PLEKHM3: variants seen among roughly 807,000 people sequenced by gnomAD.
PLEKHM3 encodes pleckstrin homology domain containing M3.
Under a neutral mutation model 81.8 loss-of-function variants are expected in PLEKHM3, and 45 were observed. The observed-to-expected ratio is 0.55, with a 90% CI of 0.43 to 0.71. The LOEUF is 0.71. PLEKHM3 is among the 30% of genes least tolerant of loss of function. PLEKHM3 has a pLI of 0.00. For synonymous variants in PLEKHM3, 352 were observed against 356.4 expected (o/e 0.99, Z 0.14); for missense variants, 788 against 924.3 (o/e 0.85, Z 1.91).
intron 5 of PLEKHM3, among the ~76,000 whole-genome samples, chr2:207,921,250 T>C (rs1023702474): frequency 6.6e-6 from 1 of 152,222 alleles, no homozygotes; most frequent in Non-Finnish European, 1.5e-5. Context: ...GGTTTCACCA[T>C]GTTGGCCAGG....
chr2:207,867,949 A>G (rs2092510779), intron 6 of PLEKHM3, among the ~76,000 whole-genome samples: 1 of 152,162 alleles, frequency 6.6e-6, no homozygotes, highest in African/African-American at 2.4e-5. Flanking sequence ...TGAAGAATAG[A>G]AAAGAGCTGC....
chr2:207,885,814 T>A (rs1687869147), intron 6 of PLEKHM3, among the ~76,000 whole-genome samples: 1 of 152,208 alleles, frequency 6.6e-6, no homozygotes, highest in African/African-American at 2.4e-5. Flanking sequence ...ACGATAAACC[T>A]AGGGGAATAG....
chr2:207,901,107 C>T (rs1272133402), intron 6 of PLEKHM3: 6 of 606,150 alleles, frequency 9.9e-6, no homozygotes, highest in African/African-American at 1.8e-5. Flanking sequence ...GAATCCTTAT[C>T]TCAACTGAGC....
intron 7 of PLEKHM3, among the ~76,000 whole-genome samples, chr2:207,840,509 A>G (rs894628884): frequency 6.6e-6 from 1 of 151,990 alleles, no homozygotes; most frequent in South Asian, 2.1e-4. Flanking sequence ...TAGTGTTTTT[A>G]TATAGGGCTT....
chr2:207,943,867 C>CAAAAAAAAA (rs66843432), intron 4 of PLEKHM3, among the ~76,000 whole-genome samples: 1 of 75,770 alleles, frequency 1.3e-5, no homozygotes, highest in Non-Finnish European at 2.4e-5. Context: ...GACTCCGTCT[C>CAAAAAAAAA]AAAAAAAAAA....
intron 5 of PLEKHM3, among the ~76,000 whole-genome samples, chr2:207,921,410 A>C (rs1234030649): frequency 1.3e-5 from 2 of 152,220 alleles, no homozygotes; most frequent in Non-Finnish European, 2.9e-5. Flanking sequence ...ATGTATTGAT[A>C]GAGTACAATG....
intron 6 of PLEKHM3, among the ~76,000 whole-genome samples, chr2:207,896,064 G>A (rs1007381639): frequency 2.0e-5 from 3 of 152,138 alleles, no homozygotes; most frequent in Admixed American, 6.5e-5. Flanking sequence ...TGGATACTTC[G>A]TGCAAACTGG....
At chr2:207,836,208 C>T (rs2092318131) in intron 7 of PLEKHM3, among the ~76,000 whole-genome samples, 1 of 151,896 alleles carries the variant, frequency 6.6e-6, no homozygotes, top group Admixed American at 6.6e-5. Context: ...CCTGTAATCC[C>T]AGCTACTTAG....
chr2:208,019,220 C>T (rs970995003), intron 1 of PLEKHM3, among the ~76,000 whole-genome samples: 3 of 152,120 alleles, frequency 2.0e-5, no homozygotes, highest in Admixed American at 2.0e-4. Context: ...GTAGGAGGAT[C>T]GCTTGGGCTC....
chr2:207,836,693 G>A (rs535471656), intron 7 of PLEKHM3, among the ~76,000 whole-genome samples: 1 of 152,338 alleles, frequency 6.6e-6, no homozygotes, highest in South Asian at 2.1e-4. Context: ...GCTGCACACA[G>A]GGAGGTCACA....
chr2:207,884,788 TGTCAAATG>T (rs1687833828), intron 6 of PLEKHM3, among the ~76,000 whole-genome samples: 1 of 152,202 alleles, frequency 6.6e-6, no homozygotes, highest in African/African-American at 2.4e-5. Flanking sequence ...AAGTGCAGGA[TGTCAAATG>T]ACCAGCCTTC....
intron 3 of PLEKHM3, among the ~76,000 whole-genome samples, chr2:207,968,946 C>T (rs1691018801): frequency 6.6e-6 from 1 of 152,120 alleles, no homozygotes; most frequent in Non-Finnish European, 1.5e-5. Context: ...TCTTTTCCTC[C>T]CCCAATTAGC....
rs939897181 is a variant in PLEKHM3, at chr2:208,015,141, C to G, written c.-319+10248G>C. On this transcript the variant is annotated intron_variant, in intron 1 of 7. Coordinates refer to ENST00000427836, the MANE Select transcript of PLEKHM3 (RefSeq NM_001080475.3). Reference sequence around the variant, plus strand: ...GCATTATGTTGTTAAATCCTCACAACCACCCTATTAGAGAGCTGCTATTAT... The same window carrying G: ...GCATTATGTTGTTAAATCCTCACAAGCACCCTATTAGAGAGCTGCTATTAT... 2.6e-5 allele frequency among the ~76,000 whole-genome samples: 4 copies of G among 152,176 alleles called. No homozygotes were observed. The East Asian group carries it at 5.8e-4, about 22-fold the overall frequency.
chr2:207,943,745 G>GTACT (rs1559248877), intron 4 of PLEKHM3, among the ~76,000 whole-genome samples: 1 of 150,594 alleles, frequency 6.6e-6, no homozygotes, highest in Non-Finnish European at 1.5e-5. Flanking sequence ...GCGGGCGCCT[G>GTACT]TAGTCCCAGC....
At chr2:207,868,339 T>C (rs1214542352) in intron 6 of PLEKHM3, among the ~76,000 whole-genome samples, 1 of 152,044 alleles carries the variant, frequency 6.6e-6, no homozygotes, top group Non-Finnish European at 1.5e-5. Flanking sequence ...TATTTTCCAA[T>C]GGATAGTGGT....
chr2:207,929,765 A>G (rs977947109), intron 5 of PLEKHM3: 3 of 519,566 alleles, frequency 5.8e-6, no homozygotes, highest in African/African-American at 3.9e-5. Context: ...TCTAGATATT[A>G]TATATCCTTT....
intron 7 of PLEKHM3, among the ~76,000 whole-genome samples, chr2:207,858,548 C>A (rs1390068151): frequency 1.3e-5 from 2 of 150,518 alleles, no homozygotes; most frequent in Non-Finnish European, 1.5e-5. Context: ...GTGGCATGAT[C>A]TCTGCTCACT....
chr2:207,881,700 C>T (rs1382689793), intron 6 of PLEKHM3, among the ~76,000 whole-genome samples: 1 of 152,224 alleles, frequency 6.6e-6, no homozygotes, highest in Non-Finnish European at 1.5e-5. Context: ...TGACAGCCTG[C>T]GGTATGGTTG....
chr2:207,868,507 G>GACTTAAC (rs1323331174), intron 6 of PLEKHM3: 1 of 152,180 alleles, frequency 6.6e-6, no homozygotes, highest in African/African-American at 2.4e-5. Flanking sequence ...TTCCAGCTGT[G>GACTTAAC]AGACTTTGGC....
Sources: allele counts gnomAD v4.1 joint callset (sites outside exome capture counted in the v4.1 genomes callset), GRCh38; gene constraint gnomAD v4.1.1; transcripts MANE v1.5; gene names NCBI Gene and HGNC (gene_info 2026-07-23, HGNC 2026-07-21).